Variants in CATSPERB observed in about 807,000 individuals in gnomAD.
The protein encoded by CATSPERB is cation channel sperm-associated auxiliary subunit beta.
In CATSPERB, 93 loss-of-function variants were observed where a neutral mutation model predicts 128.3. That is an observed-to-expected ratio of 0.72 (90% CI 0.61 to 0.86). CATSPERB has a LOEUF of 0.86. CATSPERB is among the 40% of genes least tolerant of loss of function. CATSPERB has a pLI of 0.00. For missense variants in CATSPERB, 1,153 were observed against 1,329.5 expected (o/e 0.87, Z 2.06); for synonymous variants, 381 against 448.8 (o/e 0.85, Z 1.91).
intron 7 of CATSPERB, among the ~76,000 whole-genome samples, chr14:91,703,373 T>C (rs1005425815): frequency 1.3e-5 from 2 of 152,200 alleles, no homozygotes; most frequent in African/African-American, 2.4e-5. Flanking sequence ...TCCTTTGTTA[T>C]AACATTTGGT....
chr14:91,609,945 C>T (rs559309769), intron 21 of CATSPERB, among the ~76,000 whole-genome samples: 1 of 152,028 alleles, frequency 6.6e-6, no homozygotes, highest in Non-Finnish European at 1.5e-5. Flanking sequence ...GGTCTCGATA[C>T]CCTGACCTCA....
chr14:91,698,625 GT>G (rs1276041576), intron 7 of CATSPERB, among the ~76,000 whole-genome samples: 3 of 152,132 alleles, frequency 2.0e-5, no homozygotes, highest in Non-Finnish European at 4.4e-5. Flanking sequence ...TTTATCAAAG[GT>G]TTTTTCCACA....
At chr14:91,668,013 C>T (rs1396755613) in intron 14 of CATSPERB, among the ~76,000 whole-genome samples, 1 of 152,212 alleles carries the variant, frequency 6.6e-6, no homozygotes, top group African/African-American at 2.4e-5. Context: ...CTACCGAGGA[C>T]ACCTGGACTG....
rs1000227544 is a variant in CATSPERB, at chr14:91,672,871, T to A, written c.1124A>T (p.Asn375Ile). Residue 375 changes from asparagine (N) to isoleucine (I), a missense_variant, in exon 13 of 27, where the codon AAC becomes ATC. Asn to Ile is a moderately radical substitution (Grantham distance 149). Transcript: ENST00000256343. ...CCTCTGGGATATAAGGCCTACCTTG[T>A]TATAGAAGAGGTAAACTCCAGTACC... ...ERGTGVYLFY[N>I]KVRKTAIASV... The A allele has an allele frequency of 6.4e-7, 1 of 1,564,254 alleles. No individual in the cohort carries two copies. The highest frequency in any genetic ancestry group is 8.6e-7 in the Non-Finnish European group (1 of 1,167,076).
chr14:91,683,079 T>C (rs1008155228), intron 11 of CATSPERB, among the ~76,000 whole-genome samples: 2 of 152,214 alleles, frequency 1.3e-5, no homozygotes, highest in Non-Finnish European at 2.9e-5. Flanking sequence ...AAGACTTTCA[T>C]ATATAGCACG....
chr14:91,699,817 C>T (rs1340052380), intron 7 of CATSPERB, among the ~76,000 whole-genome samples: 1 of 152,042 alleles, frequency 6.6e-6, no homozygotes, highest in Non-Finnish European at 1.5e-5. Flanking sequence ...AGGTGATTTG[C>T]CCACCTCAGC....
chr14:91,730,246 A>C (rs941003425), intron 1 of CATSPERB, among the ~76,000 whole-genome samples: 3 of 152,158 alleles, frequency 2.0e-5, no homozygotes, highest in Non-Finnish European at 4.4e-5. Context: ...AGAGAAGAGG[A>C]AATTTGGACA....
chr14:91,665,185 A>G (rs1388666986), intron 14 of CATSPERB, among the ~76,000 whole-genome samples: 1 of 152,128 alleles, frequency 6.6e-6, no homozygotes, highest in African/African-American at 2.4e-5. Context: ...GAGCCACTGC[A>G]CCCAGCCTGA....
intron 11 of CATSPERB, among the ~76,000 whole-genome samples, chr14:91,674,679 G>A (rs919953525): frequency 6.6e-6 from 1 of 152,076 alleles, no homozygotes; most frequent in Non-Finnish European, 1.5e-5. Flanking sequence ...TGCACTGCTG[G>A]CTTATCTAAT....
At chr14:91,712,374 G>A (rs1343292810) in intron 5 of CATSPERB, among the ~76,000 whole-genome samples, 1 of 152,076 alleles carries the variant, frequency 6.6e-6, no homozygotes, top group Admixed American at 6.5e-5. Flanking sequence ...ATAAATGTGA[G>A]CTATGCATAG....
intron 20 of CATSPERB, among the ~76,000 whole-genome samples, chr14:91,615,129 C>T (rs1823895261): frequency 1.3e-5 from 2 of 152,216 alleles, no homozygotes; most frequent in Admixed American, 1.3e-4. Flanking sequence ...CAGTACCAGT[C>T]TGTGGACTGT....
At chr14:91,684,605 CTTTTTTTT>C (rs1160778932) in intron 10 of CATSPERB, among the ~76,000 whole-genome samples, 2 of 112,334 alleles carry the variant, frequency 1.8e-5, no homozygotes, top group South Asian at 6.0e-4. Context: ...GGAGACACTT[CTTTTTTTT>C]TTTTTTTTTT....
intron 18 of CATSPERB, among the ~76,000 whole-genome samples, 189 bp downstream of exon 18, chr14:91,624,631 A>C (rs1320356596): frequency 4.0e-5 from 6 of 149,506 alleles, no homozygotes; most frequent in Non-Finnish European, 5.9e-5. Flanking sequence ...ATAGAGCGAG[A>C]CTCCATTGCC....
chr14:91,633,157 G>A (rs865858138), intron 17 of CATSPERB, among the ~76,000 whole-genome samples: 1 of 152,068 alleles, frequency 6.6e-6, no homozygotes. Flanking sequence ...TTCTTCAGGA[G>A]GACTCCTATG....
At chr14:91,667,173 C>T (rs1184294006) in intron 14 of CATSPERB, among the ~76,000 whole-genome samples, 1 of 152,220 alleles carries the variant, frequency 6.6e-6, no homozygotes, top group Non-Finnish European at 1.5e-5. Flanking sequence ...GCCCATGCTG[C>T]AATATGGAAA....
intron 2 of CATSPERB, among the ~76,000 whole-genome samples, chr14:91,727,576 C>A (rs1896138401): frequency 6.6e-6 from 1 of 152,152 alleles, no homozygotes; most frequent in African/African-American, 2.4e-5. Flanking sequence ...TTTCAAAGTA[C>A]TTTCAACTTA....
intron 10 of CATSPERB, among the ~76,000 whole-genome samples, chr14:91,685,594 AG>A (rs1485481632): frequency 1.3e-5 from 2 of 152,206 alleles, no homozygotes; most frequent in Non-Finnish European, 2.9e-5. Context: ...CAGACAAAAT[AG>A]GGTGATAATG....
intron 14 of CATSPERB, among the ~76,000 whole-genome samples, chr14:91,668,814 C>T (rs919533253): frequency 6.6e-6 from 1 of 152,214 alleles, no homozygotes; most frequent in Non-Finnish European, 1.5e-5. Context: ...ACCACGCACC[C>T]ACCAGAAGGA....
At chr14:91,628,584 T>A (rs1595154126) in intron 17 of CATSPERB, among the ~76,000 whole-genome samples, 1 of 152,092 alleles carries the variant, frequency 6.6e-6, no homozygotes, top group Non-Finnish European at 1.5e-5. Flanking sequence ...GGAGTTCTCA[T>A]GAGATCTGAT....
Sources: allele counts gnomAD v4.1 joint callset (sites outside exome capture counted in the v4.1 genomes callset), GRCh38; gene constraint gnomAD v4.1.1; transcripts MANE v1.5; gene names NCBI Gene and HGNC (gene_info 2026-07-23, HGNC 2026-07-21).